Variants in CSNK1G3 observed in about 807,000 individuals in gnomAD.
CSNK1G3 encodes the protein casein kinase 1 gamma 3.
A neutral mutation model predicts 64.3 loss-of-function variants in CSNK1G3; 23 were observed. That is an observed-to-expected ratio of 0.36 (90% confidence interval 0.26 to 0.51). CSNK1G3 has a LOEUF of 0.51. Among genes scored for constraint, CSNK1G3 ranks in the 20% least tolerant of loss-of-function variants. The pLI is 0.96. For synonymous variants in CSNK1G3, 158 were observed against 162.2 expected (o/e 0.97, Z 0.20); for missense variants, 357 against 510.5 (o/e 0.70, Z 2.90).
intron 10 of CSNK1G3, among the ~76,000 whole-genome samples, chr5:123,592,314 G>C (rs1010057473): frequency 6.6e-6 from 1 of 151,974 alleles, no homozygotes; most frequent in Non-Finnish European, 1.5e-5. Context: ...CAGGAGGTAG[G>C]TAGAGATGGA....
intron 4 of CSNK1G3, among the ~76,000 whole-genome samples, chr5:123,570,912 C>T (rs750266539): frequency 6.6e-6 from 1 of 152,160 alleles, no homozygotes; most frequent in Non-Finnish European, 1.5e-5. Context: ...TAGCTGAGAG[C>T]TGTCTGTAAA....
chr5:123,544,135 C>T (rs776452160), intron 1 of CSNK1G3, among the ~76,000 whole-genome samples: 5 of 152,118 alleles, frequency 3.3e-5, no homozygotes, highest in East Asian at 3.9e-4. Context: ...TGCAGGTTAG[C>T]TCACTGCAAC....
intron 1 of CSNK1G3, among the ~76,000 whole-genome samples, chr5:123,539,334 A>G (rs1561479443): frequency 6.6e-6 from 1 of 151,458 alleles, no homozygotes; most frequent in South Asian, 2.1e-4. Context: ...GGTCTCAGCT[A>G]CTCGGGAGGC....
intron 2 of CSNK1G3, among the ~76,000 whole-genome samples, chr5:123,552,677 A>G (rs1783920918): frequency 6.6e-6 from 1 of 152,208 alleles, no homozygotes; most frequent in Admixed American, 6.5e-5. Context: ...ATTAAATATG[A>G]GCCCTAGTAA....
chr5:123,537,029 G>C (rs1254828876), intron 1 of CSNK1G3, among the ~76,000 whole-genome samples: 1 of 152,106 alleles, frequency 6.6e-6, no homozygotes, highest in Non-Finnish European at 1.5e-5. Flanking sequence ...ACAGTATGGA[G>C]ACTTCTCAAA....
At chr5:123,557,051 A>T (rs1384457894) in intron 3 of CSNK1G3, among the ~76,000 whole-genome samples, 1 of 152,110 alleles carries the variant, frequency 6.6e-6, no homozygotes, top group Non-Finnish European at 1.5e-5. Context: ...TAGTGAAAAA[A>T]AATTAAGACA....
At chr5:123,568,099 G>A (rs6868675) in intron 4 of CSNK1G3, among the ~76,000 whole-genome samples, 91,215 of 152,022 alleles carry the variant, frequency 0.6, 28,550 homozygotes, top group African/African-American at 0.78. Context: ...CTTTTGAAGC[G>A]TTGGCTGTGC....
exon 2 of CSNK1G3, chr5:123,545,498 A>G (rs1782378302): frequency 4.1e-6 from 2 of 489,986 alleles, no homozygotes; most frequent in Non-Finnish European, 3.6e-6. Context: ...GAAAAATTTT[A>G]CGAATGGGAT....
At chr5:123,545,199 A>G (rs1447933466) in intron 1 of CSNK1G3, among the ~76,000 whole-genome samples, 1 of 152,054 alleles carries the variant, frequency 6.6e-6, no homozygotes, top group African/African-American at 2.4e-5. Context: ...TTAATTTTTA[A>G]GAAGTAATTG....
chr5:123,526,439 CTCTT>C (rs917519517), intron 1 of CSNK1G3, among the ~76,000 whole-genome samples: 20 of 151,848 alleles, frequency 1.3e-4, no homozygotes, highest in African/African-American at 4.4e-4. Flanking sequence ...AGGAAATATT[CTCTT>C]TTTTTTTAGC....
At chr5:123,579,678 A>G (rs1789881023) in intron 6 of CSNK1G3, among the ~76,000 whole-genome samples, 2 of 152,062 alleles carry the variant, frequency 1.3e-5, no homozygotes, top group South Asian at 2.1e-4. Flanking sequence ...AGTGAGTGTG[A>G]TATGTTTGTC....
chr5:123,529,993 C>T (rs1779671808), intron 1 of CSNK1G3, among the ~76,000 whole-genome samples: 1 of 151,608 alleles, frequency 6.6e-6, no homozygotes, highest in African/African-American at 2.4e-5. Context: ...AAAAATTAGC[C>T]TCGTGTAGTG....
chr5:123,606,164 T>TA (rs1215813354), intron 12 of CSNK1G3, among the ~76,000 whole-genome samples: 2 of 152,102 alleles, frequency 1.3e-5, no homozygotes, highest in South Asian at 2.1e-4. Context: ...TTTTTTTTGT[T>TA]AAAGAGCAGT....
exon 13 of CSNK1G3, chr5:123,614,653 A>G (rs1171292124): frequency 4.5e-5 from 16 of 356,414 alleles, no homozygotes; most frequent in Non-Finnish European, 6.1e-5. Context: ...GAATGGACCA[A>G]TGAGGTGGTA....
At chr5:123,570,415 G>A (rs1055329198) in intron 4 of CSNK1G3, among the ~76,000 whole-genome samples, 3 of 147,942 alleles carry the variant, frequency 2.0e-5, no homozygotes, top group Admixed American at 6.8e-5. Context: ...GTGCAGTGGC[G>A]CGATCTTGGC....
intron 3 of CSNK1G3, among the ~76,000 whole-genome samples, chr5:123,553,705 A>G (rs1049439012): frequency 6.6e-6 from 1 of 152,230 alleles, no homozygotes; most frequent in Non-Finnish European, 1.5e-5. Flanking sequence ...TGTGCCCAGT[A>G]TGACAGCTGC....
At chr5:123,562,498 A>G (rs2150499705) in intron 4 of CSNK1G3, among the ~76,000 whole-genome samples, 1 of 152,158 alleles carries the variant, frequency 6.6e-6, no homozygotes, top group East Asian at 1.9e-4. Context: ...CTTTCATTAG[A>G]TGTGAAGTTG....
chr5:123,555,847 T>C (rs1784518003), intron 3 of CSNK1G3, among the ~76,000 whole-genome samples: 1 of 152,238 alleles, frequency 6.6e-6, no homozygotes, highest in African/African-American at 2.4e-5. Flanking sequence ...CATTTGTGAT[T>C]GTGTACATGG....
At chr5:123,570,241 C>T (rs1012924269) in intron 4 of CSNK1G3, among the ~76,000 whole-genome samples, 1 of 151,964 alleles carries the variant, frequency 6.6e-6, no homozygotes, top group African/African-American at 2.4e-5. Flanking sequence ...TAAACCAAAA[C>T]ATACTGCTAT....
Sources: gnomAD v4.1 joint callset for allele counts (sites outside exome capture counted in the v4.1 genomes callset) on GRCh38, gnomAD v4.1.1 for gene constraint, MANE v1.5 for transcripts, NCBI Gene and HGNC (gene_info 2026-07-23, HGNC 2026-07-21) for gene names.